PDZRN3: variants seen among roughly 807,000 people sequenced by gnomAD.
PDZRN3 encodes the protein E3 ubiquitin-protein ligase PDZRN3.
PDZRN3 carries 38 observed loss-of-function variants against 85.7 expected under a neutral mutation model. The observed-to-expected ratio is 0.44, with a 90% CI of 0.34 to 0.58. The LOEUF (loss-of-function observed/expected upper bound fraction) is 0.58, where lower values mean the gene tolerates loss of function less well. PDZRN3 is among the 20% of genes least tolerant of loss of function. PDZRN3 has a pLI of 0.01. For missense variants in PDZRN3, 1,629 were observed against 1,506.4 expected, an observed-to-expected ratio of 1.08 and a Z score of -1.35; for synonymous variants, 759 against 638.0, an observed-to-expected ratio of 1.19 and a Z score of -2.86.
chr3:73,565,105 C>T (rs776535272), intron 3 of PDZRN3, among the ~76,000 whole-genome samples: 11 of 149,826 alleles, frequency 7.3e-5, no homozygotes, highest in Non-Finnish European at 1.3e-4. Flanking sequence ...TAGGGAAATA[C>T]TATATCCACC....
intron 3 of PDZRN3, among the ~76,000 whole-genome samples, chr3:73,480,625 C>T (rs1037735019): frequency 3.3e-5 from 5 of 152,186 alleles, no homozygotes; most frequent in Non-Finnish European, 7.4e-5. Flanking sequence ...TGCACGCTTG[C>T]CTCTGTAAAA....
chr3:73,540,405 CAT>C (rs1018541917), intron 3 of PDZRN3, among the ~76,000 whole-genome samples: 8 of 152,108 alleles, frequency 5.3e-5, no homozygotes, highest in Non-Finnish European at 1.0e-4. Flanking sequence ...CTATATTGGA[CAT>C]ATGTAGTATT....
intron 3 of PDZRN3, among the ~76,000 whole-genome samples, chr3:73,437,163 C>T (rs969135539): frequency 6.6e-6 from 1 of 151,722 alleles, no homozygotes; most frequent in Non-Finnish European, 1.5e-5. Context: ...TTCATTAATT[C>T]ATTTTAAAAT....
chr3:73,446,347 G>T (rs1238100701), intron 3 of PDZRN3, among the ~76,000 whole-genome samples: 1 of 152,270 alleles, frequency 6.6e-6, no homozygotes, highest in East Asian at 1.9e-4. Context: ...TCCCACCACA[G>T]CAGCTAATGA....
At chr3:73,474,609 T>C (rs1703413035) in intron 3 of PDZRN3, 11 of 1,264,204 alleles carry the variant, frequency 8.7e-6, no homozygotes, top group African/African-American at 1.5e-5. Context: ...GCTTGGTTTA[T>C]GTTGAGAGTA....
At chr3:73,618,397 G>A (rs561799410) in intron 1 of PDZRN3, among the ~76,000 whole-genome samples, 1 of 152,236 alleles carries the variant, frequency 6.6e-6, no homozygotes, top group South Asian at 2.1e-4. Flanking sequence ...AACAGTGTGA[G>A]CTCGGAGATG....
intron 3 of PDZRN3, among the ~76,000 whole-genome samples, chr3:73,467,342 T>C (rs979285715): frequency 3.9e-5 from 6 of 152,214 alleles, no homozygotes; most frequent in Non-Finnish European, 8.8e-5. Flanking sequence ...CCAATTTTTT[T>C]GTTTCAGTAT....
At chr3:73,479,831 T>C (rs1399315637) in intron 3 of PDZRN3, among the ~76,000 whole-genome samples, 1 of 151,998 alleles carries the variant, frequency 6.6e-6, no homozygotes, top group Non-Finnish European at 1.5e-5. Context: ...GATTCATACA[T>C]GGCTATAGGT....
In PDZRN3 at chr3:73,384,805, C is replaced by T. The variant is rs1378333737; in HGVS notation, c.1761G>A (p.Glu587=). The T allele has an allele frequency of 6.2e-7, 1 of 1,614,086 alleles. No individual in the cohort carries two copies. Among genetic ancestry groups the T allele is most frequent in the East Asian group, 2.2e-5 (1 of 44,888 alleles). Residue 587 remains glutamate (E), a synonymous_variant, in exon 10 of 10, where the codon GAG becomes GAA. Transcript: ENST00000263666. ...ATGCGGTGGCGTCGTCGCCATTGTTCTCTTGCTCCGAGCTCTCGTCATTAC... is the reference window on the plus strand; with the variant it reads ...ATGCGGTGGCGTCGTCGCCATTGTTTTCTTGCTCCGAGCTCTCGTCATTAC... ...STRNDESSEQ[E]NNGDDATASS...
rs1311510667 is a variant in PDZRN3, at chr3:73,624,420, C to T, written c.406G>A (p.Ala136Thr). 1 of 1,303,082 alleles carries T rather than the reference C, an allele frequency of 7.7e-7. No homozygotes were observed. Among genetic ancestry groups the T allele is most frequent in the East Asian group, 3.2e-5 (1 of 30,810 alleles). 80.7% of individuals were successfully genotyped at this position (1,303,082 alleles called of 1,614,324 possible). A position where few individuals can be genotyped will look rare whatever the true frequency, so the allele number is the denominator to read the frequency against. The change falls in exon 1 of 10, where the codon GCG becomes ACG. Residue 136 changes from alanine (A) to threonine (T), a missense_variant. Physicochemically the swap from Ala to Thr is moderately conservative, Grantham distance 58. Transcript: ENST00000263666. Reference sequence around the variant, plus strand: ...TCCTGGCAGCGGCCCACTGGCCGCGCGTCGCAGGCGTCGCGCATGTGCGCC... The same window carrying T: ...TCCTGGCAGCGGCCCACTGGCCGCGTGTCGCAGGCGTCGCGCATGTGCGCC... ...VEAHMRDACD[A>T]RPVGRCQEGC... is the part of the protein sequence containing the mutation.
intron 3 of PDZRN3, among the ~76,000 whole-genome samples, chr3:73,564,515 G>A (rs766408491): frequency 5.3e-5 from 8 of 151,988 alleles, no homozygotes; most frequent in African/African-American, 1.5e-4. Flanking sequence ...TTTCTTCTCC[G>A]CCCTGCACTT....
chr3:73,486,522 G>C (rs899083774), intron 3 of PDZRN3, among the ~76,000 whole-genome samples: 1 of 152,130 alleles, frequency 6.6e-6, no homozygotes, highest in Non-Finnish European at 1.5e-5. Context: ...TTCTGTGTAG[G>C]GTAATGAAAA....
chr3:73,545,268 A>T (rs1357490470), intron 3 of PDZRN3, among the ~76,000 whole-genome samples: 1 of 152,148 alleles, frequency 6.6e-6, no homozygotes, highest in Admixed American at 6.5e-5. Context: ...TAAAGCCTCC[A>T]TAGGTGATAA....
chr3:73,434,655 G>A (rs1702497450), intron 3 of PDZRN3, among the ~76,000 whole-genome samples: 1 of 152,194 alleles, frequency 6.6e-6, no homozygotes, highest in Non-Finnish European at 1.5e-5. Flanking sequence ...CCATATAGAT[G>A]CTGCAGATAT....
At chr3:73,461,007 T>C (rs192339127) in intron 3 of PDZRN3, among the ~76,000 whole-genome samples, 2 of 152,274 alleles carry the variant, frequency 1.3e-5, no homozygotes, top group African/African-American at 4.8e-5. Context: ...TTGGCCAGGC[T>C]GGTCTCAAAC....
chr3:73,448,371 C>A (rs908200776), intron 3 of PDZRN3, among the ~76,000 whole-genome samples: 2 of 152,198 alleles, frequency 1.3e-5, no homozygotes, highest in Admixed American at 6.5e-5. Context: ...TTTTAGTTTT[C>A]TTCCTTTCTT....
chr3:73,403,755 A>G (rs1701799437), intron 4 of PDZRN3, among the ~76,000 whole-genome samples: 1 of 152,220 alleles, frequency 6.6e-6, no homozygotes, highest in South Asian at 2.1e-4. Flanking sequence ...AGCAGAAGGC[A>G]CAACCTCCAG....
intron 3 of PDZRN3, among the ~76,000 whole-genome samples, chr3:73,414,978 T>C (rs969573383): frequency 6.6e-6 from 1 of 152,242 alleles, no homozygotes; most frequent in Non-Finnish European, 1.5e-5. Context: ...CTACGTACCA[T>C]GCAGTATGCT....
At position 73,517,416 on chromosome 3, in the gene PDZRN3, C is replaced by A. The variant is rs1352601773; in HGVS notation, c.918+84938G>T. 3.3e-5 allele frequency among the ~76,000 whole-genome samples: 5 copies of A among 152,150 alleles called. No individual in the cohort carries two copies. In the East Asian group the frequency reaches 9.6e-4, roughly 29 times the overall value. ...TGAAAGAGCTCTCAACAAAACATTG[C>A]ATAATTATCGAGAGCTCTTTGGCAC... On this transcript the variant is annotated intron_variant, in intron 3 of 9. Coordinates refer to ENST00000263666, the MANE Select transcript of PDZRN3 (RefSeq NM_015009.3).
Sources: gnomAD v4.1 joint callset for allele counts (sites outside exome capture counted in the v4.1 genomes callset) on GRCh38, gnomAD v4.1.1 for gene constraint, MANE v1.5 for transcripts, NCBI Gene and HGNC (gene_info 2026-07-23, HGNC 2026-07-21) for gene names.